Variants in GGA3 observed in about 807,000 individuals in gnomAD.
GGA3 encodes golgi associated, gamma adaptin ear containing, ARF binding protein 3.
Under a neutral mutation model 77.5 loss-of-function variants are expected in GGA3, and 57 were observed. The observed-to-expected ratio is 0.74, with a 90% confidence interval of 0.59 to 0.92. The LOEUF is 0.92. Among genes scored for constraint, GGA3 ranks in the 40% least tolerant of loss-of-function variants. GGA3 has a pLI of 0.00. For synonymous variants in GGA3, 416 were observed against 383.7 expected (o/e 1.08, Z -0.98); for missense variants, 970 against 914.9 (o/e 1.06, Z -0.78).
Position 75,239,552 on chromosome 17 carries a change from G to A in GGA3, c.1603C>T (p.Pro535Ser), listed in dbSNP as rs1176912731. The A allele has an allele frequency of 1.9e-6, 3 of 1,559,612 alleles. No individual in the cohort carries two copies. The highest frequency in any genetic ancestry group is 4.8e-5 in the East Asian group (2 of 41,610). The part of the protein sequence containing the change: ...EAKVTSGLVK[P>S]TTSPLIPTTT... ...GTGGGGATGAGAGGGGAGGTAGTGG[G>A]TTTCACCAAGCCCGAGGTCCTGGGA... The change falls in exon 14 of 17, where the codon CCC becomes TCC. Residue 535 changes from proline (P) to serine (S), a missense_variant. Physicochemically the swap from Pro to Ser is moderately conservative, Grantham distance 74. Coordinates refer to ENST00000537686, the MANE Select transcript of GGA3 (RefSeq NM_138619.4).
At chr17:75,241,100 T>G in intron 10 of GGA3, 43 bp from the exon 11 acceptor site, 1 of 1,612,118 alleles carries the variant, frequency 6.2e-7, no homozygotes, top group Non-Finnish European at 8.5e-7. Flanking sequence ...TTAGGGGTCT[T>G]CTAGTGGCTG....
rs2145466833 is a variant in GGA3, at chr17:75,238,020, A to G, written c.*259T>C. On this transcript the variant is annotated 3_prime_UTR_variant, in exon 17 of 17. Transcript: ENST00000537686. ...GTCCATGTTCCCGGGACAGCAGTGA[A>G]GTCAGGGGCCACTCCGCACCCCTGA... The G allele has an allele frequency of 7.1e-6, 9 of 1,268,150 alleles. No homozygotes were observed. Among genetic ancestry groups the G allele is most frequent in the Non-Finnish European group, 8.9e-6 (9 of 1,005,688 alleles). 78.6% of individuals were successfully genotyped at this position (1,268,150 alleles called of 1,614,324 possible). A position where few individuals can be genotyped will look rare whatever the true frequency, so the allele number is the denominator to read the frequency against.
At position 75,239,362 on chromosome 17, in the gene GGA3, C is replaced by T. The variant is rs372824549; in HGVS notation, c.1780+13G>A. 192 of 1,530,402 alleles carry T rather than the reference C, an allele frequency of 1.3e-4. 1 individual carries two copies. Among genetic ancestry groups the T allele is most frequent in the Non-Finnish European group, 1.6e-4 (187 of 1,143,216 alleles). The allele number at this position is 1,530,402 out of a possible 1,614,324, so 94.8% of individuals were successfully genotyped here. A position where few individuals can be genotyped will look rare whatever the true frequency, so the allele number is the denominator to read the frequency against. On this transcript the variant is annotated intron_variant, in intron 14 of 16. Transcript: ENST00000537686. ...CCCCACCGCCCCACCCACCTCAATC[C>T]TCCAACACCTACTAGGCTTGATCGA...
Position 75,240,416 on chromosome 17 carries a change from A to G in GGA3, c.1193-4T>C. 1.9e-6 allele frequency: 3 copies of G among 1,583,832 alleles called. No individual in the cohort carries two copies. The highest frequency in any genetic ancestry group is 2.6e-6 in the Non-Finnish European group (3 of 1,162,290). ...TTAGGGGCTGGGTCGGCGAGGCCTG[A>G]CAATAGAGAAGAAAACAGGATGAGA... On this transcript the variant is annotated splice_polypyrimidine_tract_variant and splice_region_variant and intron_variant, in intron 11 of 16. Coordinates refer to ENST00000537686, the MANE Select transcript of GGA3 (RefSeq NM_138619.4).
intron 11 of GGA3, 195 bp from the exon 12 acceptor site, chr17:75,240,607 G>A (rs1377531203): frequency 1.0e-5 from 7 of 675,950 alleles, no homozygotes; most frequent in African/African-American, 5.4e-5. Context: ...CCTGTGGGGC[G>A]GGGTGCAGGG....
intron 1 of GGA3, among the ~76,000 whole-genome samples, chr17:75,255,401 C>T (rs188244434): frequency 6.6e-6 from 1 of 152,280 alleles, no homozygotes; most frequent in Non-Finnish European, 1.5e-5. Context: ...CATCTCATTG[C>T]TGCCCTTTCC....
intron 1 of GGA3, among the ~76,000 whole-genome samples, chr17:75,257,357 C>T (rs998917573): frequency 6.7e-6 from 1 of 149,704 alleles, no homozygotes; most frequent in Admixed American, 6.7e-5. Context: ...TTCTCAACTA[C>T]TCATACATGC....
At chr17:75,249,829 C>G (rs534782923) in intron 1 of GGA3, among the ~76,000 whole-genome samples, 5 of 152,318 alleles carry the variant, frequency 3.3e-5, no homozygotes, top group African/African-American at 4.8e-5. Context: ...ATTCACCATA[C>G]GTTATCTTCT....
At chr17:75,251,706 C>CAA (rs35924573) in intron 1 of GGA3, among the ~76,000 whole-genome samples, 4,979 of 66,944 alleles carry the variant, frequency 0.074, 525 homozygotes, top group African/African-American at 0.19. Flanking sequence ...GACTCCTTCT[C>CAA]AAAAAAAAAA....
chr17:75,248,683 G>T (rs2145548598), intron 1 of GGA3, among the ~76,000 whole-genome samples: 1 of 151,686 alleles, frequency 6.6e-6, no homozygotes, highest in South Asian at 2.1e-4. Context: ...CTACTCAGGA[G>T]GCTGAGGCAG....
At position 75,240,930 on chromosome 17, in the gene GGA3, T is replaced by A. The variant is rs953915569; in HGVS notation, c.1074A>T (p.Pro358=). ...GTGGAGGTCCTGAGGCCTGGGGTGG[T>A]GGAGGGAGGATTGGGATGCCTGAGG... ...PPSSGIPILP[P]PPQASGPPRS... Residue 358 remains proline (P), a synonymous_variant, in exon 11 of 17, where the codon CCA becomes CCT. Coordinates refer to ENST00000537686, the MANE Select transcript of GGA3 (RefSeq NM_138619.4). 2.5e-6 allele frequency: 4 copies of A among 1,612,792 alleles called. No individual in the cohort carries two copies. Among genetic ancestry groups the A allele is most frequent in the Admixed American group, 3.3e-5 (2 of 59,918 alleles).
rs748503356 is a variant in GGA3, at chr17:75,242,366, GTCC to G, written c.714_716del (p.Glu238del). 18 of 1,614,096 alleles carry G rather than the reference GTCC, an allele frequency of 1.1e-5. No individual in the cohort carries two copies. The highest frequency in any genetic ancestry group is 1.5e-5 in the Non-Finnish European group (18 of 1,180,010). On this transcript the variant is annotated inframe_deletion, in exon 8 of 17. Coordinates refer to ENST00000537686, the MANE Select transcript of GGA3 (RefSeq NM_138619.4). ...TCAGCTCTCTGTCCCCGTCCGAAGAGTCCTCCTGGCTGTAATGAAGCAGCATCT... is the reference window on the plus strand; with the variant it reads ...TCAGCTCTCTGTCCCCGTCCGAAGAGTCCTGGCTGTAATGAAGCAGCATCT...
rs2145491436 is a variant in GGA3 at position 75,240,795 on chromosome 17, C to T, written c.1192+17G>A. 1.3e-6 allele frequency: 2 copies of T among 1,597,142 alleles called. No homozygotes were observed. The highest frequency in any genetic ancestry group is 4.5e-5 in the East Asian group (2 of 44,768). ...GCCCTGTCAGGGGATGCCCCTGACG[C>T]CCCCTGTGGGCCGCACCCAAGCAGA... is the stretch of plus-strand genomic sequence containing the variant. On this transcript the variant is annotated intron_variant, in intron 11 of 16. Transcript: ENST00000537686.
In GGA3 at chr17:75,238,758, A is replaced by T; in HGVS notation, c.1955T>A (p.Met652Lys). Residue 652 changes from methionine (M) to lysine (K), a missense_variant, in exon 16 of 17, where the codon ATG (methionine) becomes AAG (lysine). Met to Lys is a moderately conservative substitution (Grantham distance 95). Coordinates refer to ENST00000537686, the MANE Select transcript of GGA3 (RefSeq NM_138619.4). ...AGAAGGTGGCTGCAACTTCACTTTC[A>T]TTGACTAAAGAGAGAGAAACTCCTT... ...IVLQAAVPKSMKVKLQPPSGT... is the reference protein window; with the variant it reads ...IVLQAAVPKSKKVKLQPPSGT... 1 of 1,612,172 alleles carries T rather than the reference A, an allele frequency of 6.2e-7. No homozygotes were observed. Among genetic ancestry groups the T allele is most frequent in the Non-Finnish European group, 8.5e-7 (1 of 1,178,528 alleles).
At chr17:75,244,777 C>G in intron 3 of GGA3, 60 bp from the exon 4 acceptor site, 1 of 1,064,402 alleles carries the variant, frequency 9.4e-7, no homozygotes, top group Non-Finnish European at 1.5e-6. Context: ...GAACCTGGCA[C>G]TGGCAAGATC....
chr17:75,241,775 A>G, intron 8 of GGA3, 79 bp from the exon 9 acceptor site: 1 of 1,266,950 alleles, frequency 7.9e-7, no homozygotes, highest in Non-Finnish European at 1.2e-6. Flanking sequence ...TCATGCCCAG[A>G]AAATGACCGG....
chr17:75,241,874 C>T (rs1168523327), intron 8 of GGA3, 178 bp from the exon 9 acceptor site: 2 of 644,308 alleles, frequency 3.1e-6, no homozygotes, highest in Non-Finnish European at 5.6e-6. Flanking sequence ...CACACCACAT[C>T]ACCCAGGATG....
intron 1 of GGA3, among the ~76,000 whole-genome samples, chr17:75,248,129 C>G (rs1431616462): frequency 6.6e-6 from 1 of 152,166 alleles, no homozygotes; most frequent in Non-Finnish European, 1.5e-5. Flanking sequence ...TCTGTCATTA[C>G]TTTCTGAATT....
upstream of GGA3, chr17:75,261,758 A>G: frequency 3.5e-6 from 4 of 1,143,320 alleles, no homozygotes; most frequent in Non-Finnish European, 4.9e-6. Context: ...TCCCCTTTGG[A>G]CCCCGGAGTG....
Sources: allele counts gnomAD v4.1 joint callset (sites outside exome capture counted in the v4.1 genomes callset), GRCh38; gene constraint gnomAD v4.1.1; transcripts MANE v1.5; gene names NCBI Gene and HGNC (gene_info 2026-07-23, HGNC 2026-07-21).